Variants in FRMD6 observed in about 807,000 individuals in gnomAD.
The protein encoded by FRMD6 is FERM domain-containing protein 6.
FRMD6 carries 37 observed loss-of-function variants against 73.2 expected under a neutral mutation model. The observed-to-expected ratio is 0.51, with a 90% CI of 0.39 to 0.66. The LOEUF (loss-of-function observed/expected upper bound fraction) is 0.66, where lower values mean the gene tolerates loss of function less well. FRMD6 is among the 30% of genes least tolerant of loss of function. The pLI, the probability that FRMD6 is intolerant of heterozygous loss-of-function variation, is 0.00. For synonymous variants in FRMD6, 273 were observed against 282.2 expected, an observed-to-expected ratio of 0.97 and a Z score of 0.33; for missense variants, 714 against 780.5, an observed-to-expected ratio of 0.91 and a Z score of 1.02.
At chr14:51,555,217 G>T (rs906370660) in intron 1 of FRMD6, among the ~76,000 whole-genome samples, 1 of 152,106 alleles carries the variant, frequency 6.6e-6, no homozygotes, top group Non-Finnish European at 1.5e-5. Flanking sequence ...GACTATCACC[G>T]GGAGCATTCA....
At chr14:51,481,256 G>A in the FRMD6 span, among the ~76,000 whole-genome samples, 74 of 152,200 alleles carry the variant, frequency 4.9e-4, no homozygotes, top group Middle Eastern at 3.4e-3. Context: ...TTATTTAAAA[G>A]AAAAAAGAGG....
intron 2 of FRMD6, among the ~76,000 whole-genome samples, chr14:51,641,495 C>G (rs376207727): frequency 1.3e-5 from 2 of 152,118 alleles, no homozygotes; most frequent in South Asian, 4.1e-4. Flanking sequence ...TGATCTAGGA[C>G]GAGATAAAAT....
At chr14:51,656,921 T>C (rs1224620057) in intron 1 of FRMD6, among the ~76,000 whole-genome samples, 1 of 152,182 alleles carries the variant, frequency 6.6e-6, no homozygotes, top group African/African-American at 2.4e-5. Flanking sequence ...TCAGATGTTT[T>C]CCAACAACAT....
Position 51,689,883 on chromosome 14 carries a change from G to A in FRMD6, c.47G>A (p.Arg16His), listed in dbSNP as rs1254831669. 4 of 1,613,408 alleles carry A rather than the reference G, an allele frequency of 2.5e-6. No homozygotes were observed. The highest frequency in any genetic ancestry group is 2.5e-6 in the Non-Finnish European group (3 of 1,179,504). ...AACAACAGAGTCATGCAAGACCGCC[G>A]CAGTGTGTGCATTTTCCTTCCCAAC... The part of the protein sequence containing the change: ...FHNNRVMQDR[R>H]SVCIFLPNDE... The change falls in exon 2 of 14, where the codon CGC becomes CAC. Residue 16 changes from arginine to histidine, a missense_variant. Coordinates refer to ENST00000344768, the MANE Select transcript of FRMD6 (RefSeq NM_001267046.2).
At chr14:51,443,653 G>T in the FRMD6 span, among the ~76,000 whole-genome samples, 1 of 152,166 alleles carries the variant, frequency 6.6e-6, no homozygotes, top group African/African-American at 2.4e-5. Flanking sequence ...TGCGGGGTTT[G>T]TGCCATACTC....
At position 51,704,895 on chromosome 14, in the gene FRMD6, A is replaced by G. The variant is rs1200398071; in HGVS notation, c.518A>G (p.Tyr173Cys). 7.4e-6 allele frequency: 12 copies of G among 1,612,530 alleles called. No individual in the cohort carries two copies. The highest frequency in any genetic ancestry group is 2.2e-5 in the East Asian group (1 of 44,848). Residue 173 changes from tyrosine (Y) to cysteine (C), a missense_variant, in exon 6 of 14, where the codon TAT becomes TGT. Physicochemically the swap from Tyr to Cys is radical, Grantham distance 194. Transcript: ENST00000344768. Reference protein sequence around the residue: ...DLGNFKRNKHYGKYFEPEAYF... With the variant: ...DLGNFKRNKHCGKYFEPEAYF... ...GGGAACTTCAAAAGGAATAAGCACT[A>G]TGGAAAATACTTCGAGCCAGAGGCT...
At chr14:51,470,273 C>A in the FRMD6 span, among the ~76,000 whole-genome samples, 4 of 152,146 alleles carry the variant, frequency 2.6e-5, no homozygotes, top group African/African-American at 9.7e-5. Flanking sequence ...AATCCCAGCA[C>A]TTCGGGAGGC....
In FRMD6 at chr14:51,563,929, G is replaced by T. The variant is rs143641810; in HGVS notation, c.-209-6419G>T. Among the ~76,000 whole-genome samples the T allele has an allele frequency of 2.2e-4, 33 of 152,234 alleles. 2 individuals are homozygous for T. In the East Asian group the frequency reaches 6.2e-3, roughly 28 times the overall value. ...CCACAAGATTAATAACTTTGCGATC[G>T]CAAGTCATAAACTTTCAAGTTCTAA... On this transcript the variant is annotated intron_variant, in intron 1 of 14. Transcript: ENST00000356218.
chr14:51,485,459 C>G (rs1425009110), upstream of FRMD6, among the ~76,000 whole-genome samples: 1 of 152,206 alleles, frequency 6.6e-6, no homozygotes, highest in Non-Finnish European at 1.5e-5. Flanking sequence ...TGAGGGAACA[C>G]TATTCAACCC....
At chr14:51,590,930 C>T (rs33956767) in intron 2 of FRMD6, among the ~76,000 whole-genome samples, 52,650 of 152,064 alleles carry the variant, frequency 0.35, 10,206 homozygotes, top group South Asian at 0.42. Context: ...CTCGCAGTCC[C>T]CTGTTGCCTT....
chr14:51,462,732 A>G, the FRMD6 span, among the ~76,000 whole-genome samples: 1 of 152,128 alleles, frequency 6.6e-6, no homozygotes, highest in Non-Finnish European at 1.5e-5. Flanking sequence ...AAGACCCATA[A>G]GATCAAGTGT....
chr14:51,413,792 C>T, the FRMD6 span, among the ~76,000 whole-genome samples: 2 of 152,178 alleles, frequency 1.3e-5, no homozygotes, highest in African/African-American at 4.8e-5. Context: ...TAAAACATTC[C>T]TATTTCTCCA....
At chr14:51,677,384 G>A (rs539845927) in intron 1 of FRMD6, among the ~76,000 whole-genome samples, 2 of 151,950 alleles carry the variant, frequency 1.3e-5, no homozygotes, top group Non-Finnish European at 2.9e-5. Context: ...GAAAACTGCA[G>A]TTCCTGTGTC....
intron 1 of FRMD6, among the ~76,000 whole-genome samples, chr14:51,556,545 C>T (rs1420779116): frequency 6.6e-6 from 1 of 152,156 alleles, no homozygotes; most frequent in African/African-American, 2.4e-5. Flanking sequence ...CTCAGCAACT[C>T]TTCCTTTTTA....
chr14:51,619,548 C>T (rs911974260), intron 2 of FRMD6, among the ~76,000 whole-genome samples: 2 of 152,176 alleles, frequency 1.3e-5, no homozygotes, highest in Non-Finnish European at 2.9e-5. Flanking sequence ...TCCTACATCA[C>T]CACCTCACAG....
At chr14:51,684,079 G>A (rs1594727452) in intron 1 of FRMD6, among the ~76,000 whole-genome samples, 1 of 151,678 alleles carries the variant, frequency 6.6e-6, no homozygotes, top group East Asian at 1.9e-4. Context: ...AGAGTGTTCA[G>A]TTTATCTCTC....
At chr14:51,621,143 C>G (rs1890911042) in intron 2 of FRMD6, among the ~76,000 whole-genome samples, 1 of 149,862 alleles carries the variant, frequency 6.7e-6, no homozygotes, top group Non-Finnish European at 1.5e-5. Context: ...GCCTTTTAAA[C>G]TTCAATTTTT....
At chr14:51,698,740 T>C (rs1896105648) in intron 3 of FRMD6, among the ~76,000 whole-genome samples, 1 of 152,080 alleles carries the variant, frequency 6.6e-6, no homozygotes, top group African/African-American at 2.4e-5. Flanking sequence ...ACTATATGAC[T>C]TGGAAATATC....
chr14:51,459,884 C>CTCTTTTTTTTTTTTTT, the FRMD6 span, among the ~76,000 whole-genome samples: 5 of 74,646 alleles, frequency 6.7e-5, no homozygotes, highest in African/African-American at 2.3e-4. Context: ...TACTGACTCT[C>CTCTTTTTTTTTTTTTT]TTTTTTTTTT....
Sources: allele counts gnomAD v4.1 joint callset (sites outside exome capture counted in the v4.1 genomes callset), GRCh38; gene constraint gnomAD v4.1.1; transcripts MANE v1.5; gene names NCBI Gene and HGNC (gene_info 2026-07-23, HGNC 2026-07-21).